SRGAP2: variants seen among roughly 807,000 people sequenced by gnomAD.
The protein encoded by SRGAP2 is SLIT-ROBO Rho GTPase activating protein 2, also known as SLIT-ROBO Rho GTPase-activating protein 2.
Under a neutral mutation model 57.2 loss-of-function variants are expected in SRGAP2, and 15 were observed. The ratio of observed to expected loss-of-function variants is 0.26; its 90% confidence interval spans 0.18 to 0.40. The LOEUF (loss-of-function observed/expected upper bound fraction) is 0.40, where lower values mean the gene tolerates loss of function less well. SRGAP2 is among the 10% of genes least tolerant of loss of function. SRGAP2 has a pLI of 1.00. For synonymous variants in SRGAP2, 249 were observed against 248.0 expected, an observed-to-expected ratio of 1.00 and a Z score of -0.04; for missense variants, 520 against 669.6, an observed-to-expected ratio of 0.78 and a Z score of 2.47.
intron 2 of SRGAP2, chr1:206,214,517 G>T (rs1266039178): frequency 1.3e-5 from 2 of 148,540 alleles, no homozygotes; most frequent in Non-Finnish European, 3.0e-5. Flanking sequence ...TTTTCGCTGC[G>T]CAGTCCCGTA....
intron 8 of SRGAP2, among the ~76,000 whole-genome samples, chr1:206,402,351 A>G (rs1187781798): frequency 6.6e-6 from 1 of 151,894 alleles, no homozygotes; most frequent in East Asian, 1.9e-4. Context: ...GACTAGAATA[A>G]AAAGGGCCTA....
At chr1:206,364,855 C>A (rs1405890371) in intron 4 of SRGAP2, among the ~76,000 whole-genome samples, 5 of 151,826 alleles carry the variant, frequency 3.3e-5, no homozygotes, top group Admixed American at 2.6e-4. Flanking sequence ...TTAGCAGTAT[C>A]CTCTCTTGGG....
At chr1:206,438,978 G>A (rs574922335) in intron 16 of SRGAP2, among the ~76,000 whole-genome samples, 11 of 152,152 alleles carry the variant, frequency 7.2e-5, no homozygotes, top group Non-Finnish European at 1.5e-4. Flanking sequence ...ACTTCTGTTT[G>A]TGGGAGTCTA....
chr1:206,356,566 C>G (rs1553339360), intron 4 of SRGAP2, among the ~76,000 whole-genome samples: 1 of 152,206 alleles, frequency 6.6e-6, no homozygotes, highest in Admixed American at 6.5e-5. Flanking sequence ...TATTCTGATT[C>G]TGCTTCTTGC....
intron 2 of SRGAP2, among the ~76,000 whole-genome samples, chr1:206,290,641 CAAAAAAA>C (rs1237811129): frequency 1.5e-4 from 7 of 45,210 alleles, no homozygotes; most frequent in Admixed American, 2.4e-4. Context: ...GACTCCATCT[CAAAAAAA>C]AAAAAAAAAA....
intron 11 of SRGAP2, among the ~76,000 whole-genome samples, chr1:206,418,927 TG>T: frequency 6.7e-6 from 1 of 150,226 alleles, no homozygotes; most frequent in East Asian, 1.9e-4. Flanking sequence ...TGTGTGTGTG[TG>T]TGTGTGTGTA....
chr1:206,323,531 C>T (rs1162260992), intron 3 of SRGAP2, among the ~76,000 whole-genome samples: 4 of 151,486 alleles, frequency 2.6e-5, no homozygotes, highest in African/African-American at 9.7e-5. Flanking sequence ...TTGCCATTCT[C>T]CCTGATCACC....
chr1:206,243,800 C>T (rs1245753615), intron 2 of SRGAP2, among the ~76,000 whole-genome samples: 1 of 150,670 alleles, frequency 6.6e-6, no homozygotes, highest in African/African-American at 2.4e-5. Context: ...TAGAGGGGCA[C>T]CTTGGCTGAC....
chr1:206,439,063 C>T (rs781919361), intron 16 of SRGAP2, among the ~76,000 whole-genome samples: 23 of 152,058 alleles, frequency 1.5e-4, no homozygotes, highest in Non-Finnish European at 2.9e-4. Flanking sequence ...CGGGACTGGG[C>T]CTAGGTGAAG....
At chr1:206,311,586 T>C (rs564990564) in intron 3 of SRGAP2, among the ~76,000 whole-genome samples, 45 of 152,044 alleles carry the variant, frequency 3.0e-4, no homozygotes, top group African/African-American at 9.7e-4. Flanking sequence ...GGATAACTTA[T>C]CTGTTTTGCT....
intron 17 of SRGAP2, among the ~76,000 whole-genome samples, chr1:206,442,519 AG>A (rs1172428294): frequency 6.6e-6 from 1 of 152,228 alleles, no homozygotes; most frequent in African/African-American, 2.4e-5. Flanking sequence ...TATATGTGAC[AG>A]TACAGTGGGG....
At position 206,279,076 on chromosome 1, in the gene SRGAP2, C is replaced by T. The variant is rs1335227873; in HGVS notation, c.68-24205C>T. 5.6e-5 allele frequency among the ~76,000 whole-genome samples: 6 copies of T among 107,030 alleles called. 1 individual carries two copies. Among genetic ancestry groups the T allele is most frequent in the Non-Finnish European group, 9.0e-5 (5 of 55,858 alleles). The allele number at this position is 107,030 out of a possible 152,430, so 70.2% of individuals were successfully genotyped here. On this transcript the variant is annotated intron_variant, in intron 2 of 22. Transcript: ENST00000573034. ...AGGACTTACAACTTTCCATCTTTAT[C>T]GTCTTCTGAACTCCATAAGATCTTT...
chr1:206,362,065 G>A (rs1443231734), intron 4 of SRGAP2, among the ~76,000 whole-genome samples: 2 of 152,080 alleles, frequency 1.3e-5, no homozygotes, highest in East Asian at 1.9e-4. Flanking sequence ...GGGCCAGGAA[G>A]ATTAAAAAGG....
chr1:206,364,407 T>C (rs1218783522), intron 4 of SRGAP2, among the ~76,000 whole-genome samples: 1 of 151,210 alleles, frequency 6.6e-6, no homozygotes, highest in African/African-American at 2.4e-5. Flanking sequence ...GTTCAAGTGA[T>C]TCTCTTGCCT....
intron 7 of SRGAP2, among the ~76,000 whole-genome samples, chr1:206,401,173 T>C (rs1658114992): frequency 6.6e-6 from 1 of 152,254 alleles, no homozygotes; most frequent in African/African-American, 2.4e-5. Flanking sequence ...TTAAATAATG[T>C]CATTTTATCC....
chr1:206,460,869 C>T (rs1553380229), intron 22 of SRGAP2, among the ~76,000 whole-genome samples, 168 bp from the exon 23 acceptor site: 1 of 152,172 alleles, frequency 6.6e-6, no homozygotes, highest in Non-Finnish European at 1.5e-5. Flanking sequence ...CCTCCGTCCC[C>T]CTTTCCCTAC....
In SRGAP2 at chr1:206,461,997, G is replaced by A. The variant is rs527665149; in HGVS notation, c.*577G>A. On this transcript the variant is annotated 3_prime_UTR_variant, in exon 23 of 23. Transcript: ENST00000573034. ...TAGACCAGTCTCTTTGTAAGTTATTGTGGCAGTTCACACAGTAGCCACCAG... is the reference window on the plus strand; with the variant it reads ...TAGACCAGTCTCTTTGTAAGTTATTATGGCAGTTCACACAGTAGCCACCAG... The A allele has an allele frequency of 2.0e-5, 3 of 152,334 alleles. No homozygotes were observed. Among genetic ancestry groups the A allele is most frequent in the Non-Finnish European group, 4.4e-5 (3 of 68,172 alleles). 9.4% of individuals were successfully genotyped at this position (152,334 alleles called of 1,614,324 possible).
At chr1:206,279,483 A>G (rs1414935749) in intron 2 of SRGAP2, among the ~76,000 whole-genome samples, 1 of 106,668 alleles carries the variant, frequency 9.4e-6, no homozygotes, top group Non-Finnish European at 1.8e-5. Flanking sequence ...TGGTGTGATC[A>G]TGGCTTACTG....
chr1:206,220,457 G>A (rs1666911432), intron 2 of SRGAP2, among the ~76,000 whole-genome samples: 1 of 152,134 alleles, frequency 6.6e-6, no homozygotes, highest in South Asian at 2.1e-4. Flanking sequence ...GTTTGCCTAG[G>A]CCGAGAGTGT....
Sources: allele counts gnomAD v4.1 joint callset (sites outside exome capture counted in the v4.1 genomes callset), GRCh38; gene constraint gnomAD v4.1.1; transcripts MANE v1.5; gene names NCBI Gene and HGNC (gene_info 2026-07-23, HGNC 2026-07-21).